Variants in TENM4 observed in about 807,000 individuals in gnomAD.
TENM4 encodes teneurin-4.
A neutral mutation model predicts 243.3 loss-of-function variants in TENM4; 82 were observed. That is an observed-to-expected ratio of 0.34 (90% confidence interval 0.28 to 0.40). TENM4 has a LOEUF of 0.40. Ranked by LOEUF, TENM4 falls within the 10% of genes least tolerant of loss-of-function variation. TENM4 has a pLI of 1.00. For synonymous variants in TENM4, 1,412 were observed against 1,456.3 expected (o/e 0.97, Z 0.69); for missense variants, 3,138 against 3,673.3 (o/e 0.85, Z 3.77).
chr11:79,136,236 C>G (rs1862107630), intron 4 of TENM4, among the ~76,000 whole-genome samples: 1 of 152,110 alleles, frequency 6.6e-6, no homozygotes, highest in Non-Finnish European at 1.5e-5. Flanking sequence ...TGATGGACCT[C>G]TTTGAGTGAT....
intron 1 of TENM4, among the ~76,000 whole-genome samples, chr11:79,351,567 G>A (rs1304170090): frequency 2.0e-5 from 3 of 152,062 alleles, no homozygotes; most frequent in Admixed American, 6.6e-5. Context: ...TTAGCCAGGC[G>A]TGATTGGCAG....
intron 9 of TENM4, among the ~76,000 whole-genome samples, chr11:78,882,054 T>A (rs917755175): frequency 6.6e-6 from 1 of 152,176 alleles, no homozygotes; most frequent in African/African-American, 2.4e-5. Flanking sequence ...CATTTCCCAT[T>A]CTTTGGGCTA....
chr11:78,962,451 C>T (rs1048020075), intron 6 of TENM4, among the ~76,000 whole-genome samples: 31 of 125,230 alleles, frequency 2.5e-4, no homozygotes, highest in African/African-American at 9.1e-4. Flanking sequence ...CACTCATCAA[C>T]GGGAAGGGGG....
chr11:79,190,523 GAATA>G (rs1863459340), intron 3 of TENM4, among the ~76,000 whole-genome samples: 1 of 152,088 alleles, frequency 6.6e-6, no homozygotes, highest in Admixed American at 6.5e-5. Context: ...TTTACTTTTA[GAATA>G]AATGAATGAG....
intron 17 of TENM4, among the ~76,000 whole-genome samples, chr11:78,773,799 G>C (rs1038693656): frequency 6.6e-6 from 1 of 152,248 alleles, no homozygotes; most frequent in African/African-American, 2.4e-5. Context: ...CTTCAGGACA[G>C]TGAGACAATG....
intron 6 of TENM4, among the ~76,000 whole-genome samples, chr11:79,012,564 C>A (rs780490894): frequency 6.6e-6 from 1 of 152,162 alleles, no homozygotes; most frequent in African/African-American, 2.4e-5. Context: ...AATGCTCAAT[C>A]TGAACTTATC....
chr11:79,440,430 T>G lies in TENM4; in HGVS notation c.-321+79A>C, dbSNP rs556125834. On this transcript the variant is annotated intron_variant, in intron 1 of 33. Transcript: ENST00000278550. The surrounding 1 kb of genome is among the most constrained non-coding windows in gnomAD (Gnocchi z 4.7). ...ACCCGAACCCTGCCCGGGCCAGCAG[T>G]GCAGAGGGCGATGGAGCTGGCGAGG... 6.6e-6 allele frequency: 1 copy of G among 152,480 alleles called. No homozygotes were observed. Among genetic ancestry groups the G allele is most frequent in the East Asian group, 1.9e-4 (1 of 5,152 alleles). 9.4% of individuals were successfully genotyped at this position (152,480 alleles called of 1,614,324 possible).
chr11:79,063,879 C>A (rs994264319), intron 6 of TENM4, among the ~76,000 whole-genome samples: 3 of 152,164 alleles, frequency 2.0e-5, no homozygotes, highest in African/African-American at 7.2e-5. Context: ...GCAGCTGGCA[C>A]GTCCTGGGAT....
At chr11:79,246,616 A>G (rs1434043660) in intron 2 of TENM4, among the ~76,000 whole-genome samples, 1 of 152,230 alleles carries the variant, frequency 6.6e-6, no homozygotes, top group Non-Finnish European at 1.5e-5. Context: ...CACAATTTGG[A>G]TGACTCTTAA....
At chr11:78,955,568 A>T (rs559645776) in intron 6 of TENM4, among the ~76,000 whole-genome samples, 2 of 150,218 alleles carry the variant, frequency 1.3e-5, no homozygotes, top group Non-Finnish European at 2.9e-5. Flanking sequence ...CAAGCCATAC[A>T]TGGAAAAGTG....
intron 6 of TENM4, among the ~76,000 whole-genome samples, chr11:79,024,735 C>G (rs1185259213): frequency 6.6e-6 from 1 of 152,194 alleles, no homozygotes; most frequent in Non-Finnish European, 1.5e-5. Context: ...AGTAATGTTT[C>G]AGCTCGTGTG....
At chr11:79,218,041 G>A (rs1334517536) in intron 2 of TENM4, among the ~76,000 whole-genome samples, 4 of 152,102 alleles carry the variant, frequency 2.6e-5, no homozygotes, top group Non-Finnish European at 5.9e-5. Flanking sequence ...ATGGGCACAA[G>A]TAAAGTTAAC....
chr11:79,354,810 C>A (rs560166), intron 1 of TENM4, among the ~76,000 whole-genome samples: 62,435 of 145,250 alleles, frequency 0.43, 13,100 homozygotes, highest in Middle Eastern at 0.52. Context: ...AACAAACAAA[C>A]AAAAAAAGAA....
At chr11:79,244,355 G>C (rs1412769036) in intron 2 of TENM4, among the ~76,000 whole-genome samples, 1 of 152,190 alleles carries the variant, frequency 6.6e-6, no homozygotes, top group East Asian at 1.9e-4. Context: ...TTGTTCTTGA[G>C]AGGGTCTGGA....
intron 2 of TENM4, 101 bp from the exon 3 acceptor site, chr11:79,216,010 T>C (rs936355689): frequency 8.4e-5 from 22 of 263,158 alleles, no homozygotes; most frequent in Non-Finnish European, 1.2e-4. Context: ...AAACACACAC[T>C]ATGGGAAAAT....
At chr11:79,400,523 C>T (rs371860354) in intron 1 of TENM4, among the ~76,000 whole-genome samples, 1 of 152,150 alleles carries the variant, frequency 6.6e-6, no homozygotes, top group African/African-American at 2.4e-5. Context: ...CTCTCTTGCC[C>T]TCTCCTCCCT....
chr11:79,138,932 A>T (rs1196437279), intron 4 of TENM4, among the ~76,000 whole-genome samples: 53 of 63,940 alleles, frequency 8.3e-4, no homozygotes, highest in African/African-American at 3.9e-3. Context: ...ATTTCCATAA[A>T]TATATAAAAT....
Position 78,658,664 on chromosome 11 carries a change from C to G in TENM4, c.7704G>C (p.Lys2568Asn), listed in dbSNP as rs761241041. 5.2e-5 allele frequency: 84 copies of G among 1,613,938 alleles called. No individual in the cohort carries two copies. Among genetic ancestry groups the G allele is most frequent in the Non-Finnish European group, 6.9e-5 (81 of 1,179,910 alleles). ...CATCCTTCAAGGCAAACTTGACCCCCTTGCCAAAGACTGAGCCGCTGGATG... is the reference window on the plus strand; with the variant it reads ...CATCCTTCAAGGCAAACTTGACCCCGTTGCCAAAGACTGAGCCGCTGGATG... ...KFASSGSVFG[K>N]GVKFALKDGR... The change falls in exon 34 of 34, where the codon AAG (lysine) becomes AAC (asparagine). Residue 2568 changes from lysine (K) to asparagine (N), a missense_variant. By Grantham distance (94) the Lys-to-Asn change is moderately conservative. Transcript: ENST00000278550.
chr11:79,169,977 G>T (rs1565233798), intron 3 of TENM4, among the ~76,000 whole-genome samples: 1 of 152,206 alleles, frequency 6.6e-6, no homozygotes, highest in Non-Finnish European at 1.5e-5. Context: ...CAAATAGGAT[G>T]GGGCTTTTCT....
Sources: allele counts gnomAD v4.1 joint callset (sites outside exome capture counted in the v4.1 genomes callset), GRCh38; gene constraint gnomAD v4.1.1; non-coding constraint Gnocchi (gnomAD v3.1); transcripts MANE v1.5; gene names NCBI Gene and HGNC (gene_info 2026-07-23, HGNC 2026-07-21).